Variants in MIA2 observed in about 807,000 individuals in gnomAD.
MIA2 encodes melanoma inhibitory activity protein 2.
In MIA2, 127 loss-of-function variants were observed where a neutral mutation model predicts 167.8. The observed-to-expected ratio is 0.76, with a 90% CI of 0.66 to 0.88. The LOEUF is 0.88. MIA2 is among the 40% of genes least tolerant of loss of function. MIA2 has a pLI of 0.00. For synonymous variants in MIA2, 552 were observed against 541.9 expected, an observed-to-expected ratio of 1.02 and a Z score of -0.26; for missense variants, 1,690 against 1,624.7, an observed-to-expected ratio of 1.04 and a Z score of -0.69.
chr14:39,357,335 T>G (rs1201308110), intron 23 of MIA2, among the ~76,000 whole-genome samples: 2 of 152,230 alleles, frequency 1.3e-5, no homozygotes, highest in Admixed American at 6.5e-5. Context: ...TTGATCTTTG[T>G]TGGTTTAAAG....
intron 2 of MIA2, among the ~76,000 whole-genome samples, chr14:39,239,626 A>G (rs1370800000): frequency 6.6e-6 from 1 of 152,232 alleles, no homozygotes; most frequent in Non-Finnish European, 1.5e-5. Context: ...CAATGCAGCC[A>G]TACAAAAACT....
chr14:39,314,810 A>ATATGTGTG lies in MIA2; in HGVS notation c.3180+12_3180+13insATGTGTGT, dbSNP rs1555390607. 1.9e-3 allele frequency: 2,010 copies of ATATGTGTG among 1,065,730 alleles called. 25 individuals carry two copies. The African/African-American group carries it at 0.028, about 15-fold the overall frequency. 66.0% of individuals were successfully genotyped at this position (1,065,730 alleles called of 1,614,324 possible). ...TCTTATCAAGGGCAGGTATATATAT[A>ATATGTGTG]TGTGTGTGTGTGTGTGTGTGTGTGT... On this transcript the variant is annotated intron_variant, in intron 20 of 28. Coordinates refer to ENST00000640607, the MANE Select transcript of MIA2 (RefSeq NM_001329214.4).
chr14:39,314,020 GT>G (rs1429953744), intron 19 of MIA2, among the ~76,000 whole-genome samples: 2 of 152,120 alleles, frequency 1.3e-5, no homozygotes, highest in Non-Finnish European at 2.9e-5. Flanking sequence ...AAGTTATCTT[GT>G]TAATCTCACA....
intron 23 of MIA2, chr14:39,386,219 T>G: frequency 1.4e-6 from 2 of 1,396,540 alleles, no homozygotes; most frequent in Non-Finnish European, 2.0e-6. Context: ...TATACCCAGT[T>G]TGTCTGCAGT....
Position 39,315,671 on chromosome 14 carries a change from T to C in MIA2, c.3181-12T>C. The C allele has an allele frequency of 6.5e-7, 1 of 1,543,846 alleles. No individual in the cohort carries two copies. The highest frequency in any genetic ancestry group is 8.9e-7 in the Non-Finnish European group (1 of 1,128,320). On this transcript the variant is annotated splice_polypyrimidine_tract_variant and intron_variant, in intron 20 of 28. Transcript: ENST00000640607. The stretch of plus-strand genomic sequence containing the variant: ...TAATGGTCAGTAGCATTTTAATTAC[T>C]TTCTTTTTCAGATTATTTCCCATGA...
intron 23 of MIA2, among the ~76,000 whole-genome samples, chr14:39,383,853 A>G (rs1483261177): frequency 6.6e-6 from 1 of 152,194 alleles, no homozygotes; most frequent in Non-Finnish European, 1.5e-5. Context: ...AGGATGAGAG[A>G]GGTGAGGAAG....
Position 39,283,167 on chromosome 14 carries a change from A to T in MIA2, c.2130+3630A>T, listed in dbSNP as rs1197689412. 2.6e-5 allele frequency among the ~76,000 whole-genome samples: 4 copies of T among 152,210 alleles called. No homozygotes were observed. The East Asian group carries it at 7.7e-4, about 29-fold the overall frequency. ...TGATAGATACCTAGGTTGTCTCCATACTGGCTACTGTGAATAATGCTGCAG... is the reference window on the plus strand; with the variant it reads ...TGATAGATACCTAGGTTGTCTCCATTCTGGCTACTGTGAATAATGCTGCAG... On this transcript the variant is annotated intron_variant, in intron 9 of 28. Coordinates refer to ENST00000640607, the MANE Select transcript of MIA2 (RefSeq NM_001329214.4).
At chr14:39,262,124 G>A (rs930956207) in intron 6 of MIA2, among the ~76,000 whole-genome samples, 4 of 152,154 alleles carry the variant, frequency 2.6e-5, no homozygotes, top group African/African-American at 9.7e-5. Flanking sequence ...ACGGTTTTAG[G>A]TCTAATTTTT....
chr14:39,349,581 T>G (rs2074098763), intron 28 of MIA2, among the ~76,000 whole-genome samples: 1 of 152,226 alleles, frequency 6.6e-6, no homozygotes, highest in Admixed American at 6.5e-5. Context: ...TGCCTATGAA[T>G]GTCTCATATA....
At position 39,314,766 on chromosome 14, in the gene MIA2, A is replaced by G. The variant is rs371894406; in HGVS notation, c.3147A>G (p.Glu1049=). The change falls in exon 20 of 29, where the codon GAA becomes GAG. Residue 1049 remains glutamate (E), a synonymous_variant. Coordinates refer to ENST00000640607, the MANE Select transcript of MIA2 (RefSeq NM_001329214.4). ...YRKRAKDLEE[E]LERTIHSYQG... ...AGCGAGCCAAAGATCTTGAAGAAGA[A>G]TTGGAGAGAACTATTCATTCTTATC... 4 of 1,604,290 alleles carry G rather than the reference A, an allele frequency of 2.5e-6. No individual in the cohort carries two copies. The highest frequency in any genetic ancestry group is 3.4e-6 in the Non-Finnish European group (4 of 1,174,702).
At chr14:39,355,811 CAT>C (rs1421926264), downstream of MIA2, among the ~76,000 whole-genome samples, 1 of 152,154 alleles carries the variant, frequency 6.6e-6, no homozygotes, top group East Asian at 1.9e-4. Context: ...TTGAGATAAT[CAT>C]GTGGTTTTTG....
At position 39,298,542 on chromosome 14, in the gene MIA2, T is replaced by TTTTTTTTCTG. The variant is rs1555375949; in HGVS notation, c.2497-1315_2497-1314insCTGTTTTTTT. Among the ~76,000 whole-genome samples the TTTTTTTTCTG allele has an allele frequency of 2.6e-4, 25 of 97,006 alleles. 2 individuals carry two copies. In the Admixed American group the frequency reaches 2.6e-3, roughly 10 times the overall value. 63.6% of individuals were successfully genotyped at this position (97,006 alleles called of 152,430 possible). A position where few individuals can be genotyped will look rare whatever the true frequency, so the allele number is the denominator to read the frequency against. ...TTGGTAGAACAGAGTTTTTTTTTTT[T>TTTTTTTTCTG]TTTTTTTTTTTTGTGAGCAACATGG... On this transcript the variant is annotated intron_variant, in intron 13 of 28. Transcript: ENST00000640607.
At chr14:39,326,815 A>T in intron 24 of MIA2, 49 bp from the exon 25 acceptor site, 1 of 1,518,390 alleles carries the variant, frequency 6.6e-7, no homozygotes, top group Non-Finnish European at 8.8e-7. Flanking sequence ...CAAGTATATA[A>T]GACTTTTTAA....
chr14:39,357,633 C>T (rs998970721), intron 23 of MIA2, among the ~76,000 whole-genome samples: 5 of 152,100 alleles, frequency 3.3e-5, no homozygotes, highest in Non-Finnish European at 7.4e-5. Context: ...AGTTGATGCA[C>T]TTTCTTCCTA....
At position 39,348,846 on chromosome 14, in the gene MIA2, T is replaced by C; in HGVS notation, c.3941T>C (p.Val1314Ala). 3.7e-6 allele frequency: 6 copies of C among 1,614,082 alleles called. No individual in the cohort carries two copies. The highest frequency in any genetic ancestry group is 5.1e-6 in the Non-Finnish European group (6 of 1,179,958). Reference protein sequence around the residue: ...LAPIRGPLFPVDARGPFLRRG... With the variant: ...LAPIRGPLFPADARGPFLRRG... ...CCAATCAGAGGTCCATTGTTTCCAGTGGATGCAAGAGGCCCATTCTTGAGA... is the reference window on the plus strand; with the variant it reads ...CCAATCAGAGGTCCATTGTTTCCAGCGGATGCAAGAGGCCCATTCTTGAGA... The change falls in exon 28 of 29, where the codon GTG becomes GCG. Residue 1314 changes from valine (V) to alanine (A), a missense_variant. Transcript: ENST00000640607.
At chr14:39,342,272 T>G (rs971262649) in intron 25 of MIA2, among the ~76,000 whole-genome samples, 2 of 151,976 alleles carry the variant, frequency 1.3e-5, no homozygotes, top group Admixed American at 1.3e-4. Context: ...TTTGGTTTTT[T>G]GTCCTTGCGA....
chr14:39,349,222 A>G (rs1051609094), intron 28 of MIA2, among the ~76,000 whole-genome samples: 2 of 152,198 alleles, frequency 1.3e-5, no homozygotes, highest in African/African-American at 4.8e-5. Flanking sequence ...CAGTCAAGAA[A>G]ATAATGGACT....
intron 23 of MIA2, among the ~76,000 whole-genome samples, chr14:39,319,806 G>A (rs1364813565): frequency 6.6e-6 from 1 of 151,976 alleles, no homozygotes; most frequent in Non-Finnish European, 1.5e-5. Flanking sequence ...TTTTTTGTAA[G>A]ATATATTTAA....
chr14:39,366,900 T>C (rs886790120), intron 23 of MIA2, among the ~76,000 whole-genome samples: 4 of 152,128 alleles, frequency 2.6e-5, no homozygotes, highest in Non-Finnish European at 5.9e-5. Context: ...ACCTCTGGCA[T>C]TGGTGGCAAC....
Sources: allele counts gnomAD v4.1 joint callset (sites outside exome capture counted in the v4.1 genomes callset), GRCh38; gene constraint gnomAD v4.1.1; transcripts MANE v1.5; gene names NCBI Gene and HGNC (gene_info 2026-07-23, HGNC 2026-07-21).